The following LINGO2 variants were observed in gnomAD, a reference collection of about 807,000 sequenced individuals.
LINGO2 encodes leucine rich repeat and Ig domain containing 2.
In LINGO2, 14 loss-of-function variants were observed where a neutral mutation model predicts 30.6. The ratio of observed to expected loss-of-function variants is 0.46; its 90% CI spans 0.30 to 0.72. LINGO2 has a LOEUF of 0.72. Ranked by LOEUF, LINGO2 falls within the 30% of genes least tolerant of loss-of-function variation. The pLI is 0.07. For synonymous variants in LINGO2, 317 were observed against 288.5 expected (o/e 1.10, Z -1.00); for missense variants, 729 against 751.7 (o/e 0.97, Z 0.35).
At chr9:28,433,944 TC>T (rs1823794954) in intron 2 of LINGO2, among the ~76,000 whole-genome samples, 1 of 66,374 alleles carries the variant, frequency 1.5e-5, no homozygotes, top group African/African-American at 4.3e-5. Context: ...TCTCTCTCTC[TC>T]TCTCTATATA....
chr9:29,070,246 A>G, the LINGO2 span, among the ~76,000 whole-genome samples: 1 of 152,092 alleles, frequency 6.6e-6, no homozygotes, highest in South Asian at 2.1e-4. Context: ...GAGAGAAAAC[A>G]TAGCTTTAAC....
chr9:27,977,412 G>A (rs1253788440), intron 5 of LINGO2, among the ~76,000 whole-genome samples: 1 of 151,848 alleles, frequency 6.6e-6, no homozygotes, highest in Non-Finnish European at 1.5e-5. Context: ...TGTCGGGGGC[G>A]GGTTGGGGGG....
chr9:28,687,404 C>G, the LINGO2 span, among the ~76,000 whole-genome samples: 1 of 152,120 alleles, frequency 6.6e-6, no homozygotes, highest in Non-Finnish European at 1.5e-5. Context: ...TTCAACTAAA[C>G]AGTCATGCCA....
chr9:28,319,452 G>A (rs981186703), intron 3 of LINGO2, among the ~76,000 whole-genome samples: 2 of 152,018 alleles, frequency 1.3e-5, no homozygotes, highest in African/African-American at 4.8e-5. Context: ...CTACAAAATT[G>A]CTTTTATCAT....
intron 4 of LINGO2, among the ~76,000 whole-genome samples, chr9:28,067,280 T>C (rs1825341977): frequency 6.6e-6 from 1 of 152,160 alleles, no homozygotes; most frequent in South Asian, 2.1e-4. Context: ...AATAGTTAAA[T>C]TGTACATTGA....
At chr9:28,883,440 A>G in the LINGO2 span, among the ~76,000 whole-genome samples, 6 of 150,518 alleles carry the variant, frequency 4.0e-5, no homozygotes, top group Non-Finnish European at 5.9e-5. Flanking sequence ...TACCACACTC[A>G]CTCTGTTAAT....
At chr9:28,443,084 A>G (rs1824263901) in intron 2 of LINGO2, among the ~76,000 whole-genome samples, 1 of 152,174 alleles carries the variant, frequency 6.6e-6, no homozygotes, top group Non-Finnish European at 1.5e-5. Context: ...AGACTATGGC[A>G]TGTGCATGAG....
the LINGO2 span, among the ~76,000 whole-genome samples, chr9:28,889,234 T>C: frequency 2.6e-5 from 4 of 152,148 alleles, no homozygotes; most frequent in Non-Finnish European, 4.4e-5. Flanking sequence ...TATCAAACAT[T>C]AGTCCAGTTC....
intron 2 of LINGO2, among the ~76,000 whole-genome samples, chr9:28,452,814 A>G (rs1824700213): frequency 6.6e-6 from 1 of 151,872 alleles, no homozygotes. Flanking sequence ...CATGGGTAAG[A>G]GCCCAGAGGT....
chr9:28,348,316 C>T (rs926158776), intron 3 of LINGO2, among the ~76,000 whole-genome samples: 12 of 152,034 alleles, frequency 7.9e-5, no homozygotes, highest in Admixed American at 2.0e-4. Flanking sequence ...CAAAGCAGGG[C>T]GAGGCATTGC....
At chr9:29,067,079 A>G in the LINGO2 span, among the ~76,000 whole-genome samples, 2 of 152,028 alleles carry the variant, frequency 1.3e-5, no homozygotes, top group East Asian at 1.9e-4. Context: ...AAAACAGAGA[A>G]AGAATCATTG....
intron 4 of LINGO2, among the ~76,000 whole-genome samples, chr9:28,157,721 A>G (rs893645029): frequency 6.6e-6 from 1 of 152,136 alleles, no homozygotes; most frequent in African/African-American, 2.4e-5. Context: ...TGCTGCTTAG[A>G]AATTTCTTCC....
chr9:29,050,528 T>C, the LINGO2 span, among the ~76,000 whole-genome samples: 6 of 152,198 alleles, frequency 3.9e-5, no homozygotes, highest in Non-Finnish European at 8.8e-5. Context: ...TGGTTACCTA[T>C]AGATGGTGAG....
intron 1 of LINGO2, among the ~76,000 whole-genome samples, chr9:28,506,515 T>TATAGATACATAG: frequency 9.9e-6 from 1 of 100,606 alleles, no homozygotes; most frequent in Non-Finnish European, 2.0e-5. Flanking sequence ...CATATATATA[T>TATAGATACATAG]ATATATAAAC....
intron 2 of LINGO2, among the ~76,000 whole-genome samples, chr9:28,413,151 A>C (rs1822836929): frequency 6.6e-6 from 1 of 152,146 alleles, no homozygotes; most frequent in African/African-American, 2.4e-5. Context: ...TCCAGATAAC[A>C]GTGGGCTATT....
At chr9:28,773,474 T>A in the LINGO2 span, among the ~76,000 whole-genome samples, 1 of 151,772 alleles carries the variant, frequency 6.6e-6, no homozygotes, top group African/African-American at 2.4e-5. Flanking sequence ...AAAAAATTAG[T>A]GGGATGATGG....
intron 1 of LINGO2, among the ~76,000 whole-genome samples, chr9:28,508,300 T>C (rs1201389461): frequency 1.3e-5 from 2 of 152,136 alleles, no homozygotes; most frequent in Non-Finnish European, 2.9e-5. Flanking sequence ...ATAGTATTTA[T>C]TAAGTGCTCA....
At position 28,527,067 on chromosome 9, in the gene LINGO2, A is replaced by G. The variant is rs1219071920; in HGVS notation, c.-364-51042T>C. Among the ~76,000 whole-genome samples, 6 of 152,302 alleles carry G rather than the reference A, an allele frequency of 3.9e-5. 1 individual carries two copies. The East Asian group carries it at 1.2e-3, about 29-fold the overall frequency. On this transcript the variant is annotated intron_variant, in intron 1 of 5. Coordinates refer to ENST00000379992, the Ensembl canonical transcript of LINGO2. ...ACGACTTAAAAGTAATTTTCTAGAA[A>G]CATGTTTGTTTTCTTTTACACAGAA...
intron 1 of LINGO2, among the ~76,000 whole-genome samples, chr9:28,504,480 T>G (rs1366817842): frequency 2.0e-5 from 3 of 151,814 alleles, no homozygotes; most frequent in Non-Finnish European, 4.4e-5. Flanking sequence ...TAAATTGGGA[T>G]GATAAAAAAT....
Sources: gnomAD v4.1 joint callset for allele counts (sites outside exome capture counted in the v4.1 genomes callset) on GRCh38, gnomAD v4.1.1 for gene constraint, MANE v1.5 for transcripts, NCBI Gene and HGNC (gene_info 2026-07-23, HGNC 2026-07-21) for gene names.